RAPGEF2: variants seen among roughly 807,000 people sequenced by gnomAD.
RAPGEF2 encodes Rap guanine nucleotide exchange factor 2.
A neutral mutation model predicts 186.7 loss-of-function variants in RAPGEF2; 54 were observed. The observed-to-expected ratio is 0.29, with a 90% CI of 0.23 to 0.36. The LOEUF is 0.36. RAPGEF2 is among the 10% of genes least tolerant of loss of function. The pLI, the probability that RAPGEF2 is intolerant of heterozygous loss-of-function variation, is 1.00. For synonymous variants in RAPGEF2, 712 were observed against 705.9 expected, an observed-to-expected ratio of 1.01 and a Z score of -0.14; for missense variants, 1,532 against 2,045.0, an observed-to-expected ratio of 0.75 and a Z score of 4.84.
chr4:159,219,835 T>C (rs1418397726), intron 4 of RAPGEF2, among the ~76,000 whole-genome samples: 1 of 152,224 alleles, frequency 6.6e-6, no homozygotes, highest in African/African-American at 2.4e-5. Flanking sequence ...ACTTCTGTCC[T>C]AAACTGCTCA....
intron 19 of RAPGEF2, 51 bp downstream of exon 19, chr4:159,339,405 A>G (rs777009108): frequency 1.3e-6 from 2 of 1,572,898 alleles, no homozygotes; most frequent in African/African-American, 1.3e-5. Flanking sequence ...TCGAACCCAC[A>G]TCAAAGTCTA....
chr4:159,216,799 T>A (rs896200470), intron 4 of RAPGEF2, among the ~76,000 whole-genome samples: 5 of 152,340 alleles, frequency 3.3e-5, no homozygotes, highest in African/African-American at 1.2e-4. Context: ...TTCTCCTTCA[T>A]TGATACCAAC....
At chr4:159,202,715 C>A (rs1749575194) in intron 3 of RAPGEF2, among the ~76,000 whole-genome samples, 1 of 152,152 alleles carries the variant, frequency 6.6e-6, no homozygotes, top group Non-Finnish European at 1.5e-5. Flanking sequence ...GATTCTCTTG[C>A]CTCAGCCTCC....
At chr4:159,216,781 A>G (rs1370123064) in intron 4 of RAPGEF2, among the ~76,000 whole-genome samples, 3 of 152,200 alleles carry the variant, frequency 2.0e-5, no homozygotes, top group Non-Finnish European at 2.9e-5. Flanking sequence ...TCCATTTACA[A>G]TTAGTGCTTC....
At chr4:159,296,988 T>C (rs780279223) in intron 7 of RAPGEF2, among the ~76,000 whole-genome samples, 3 of 152,234 alleles carry the variant, frequency 2.0e-5, no homozygotes, top group African/African-American at 4.8e-5. Flanking sequence ...ATTTTCCTCA[T>C]CGGGGTCCCA....
At chr4:159,108,357 C>T (rs1354075948) in intron 1 of RAPGEF2, among the ~76,000 whole-genome samples, 1 of 149,944 alleles carries the variant, frequency 6.7e-6, no homozygotes. Context: ...CAGTCATTCC[C>T]AAATGCTGGA....
chr4:159,283,302 T>G (rs1340453821), intron 7 of RAPGEF2, among the ~76,000 whole-genome samples: 1 of 152,170 alleles, frequency 6.6e-6, no homozygotes, highest in African/African-American at 2.4e-5. Context: ...AAAAAATAAT[T>G]TTCCAATGTG....
At chr4:159,308,140 G>C (rs1763528582) in intron 8 of RAPGEF2, among the ~76,000 whole-genome samples, 2 of 152,178 alleles carry the variant, frequency 1.3e-5, no homozygotes, top group Admixed American at 1.3e-4. Flanking sequence ...GAGTGTGGAT[G>C]AGAGTTCCTA....
intron 9 of RAPGEF2, among the ~76,000 whole-genome samples, chr4:159,316,665 G>A (rs1764647100): frequency 2.0e-5 from 3 of 152,126 alleles, no homozygotes; most frequent in Non-Finnish European, 4.4e-5. Context: ...TTTTATGGCT[G>A]TATTGTATTC....
intron 29 of RAPGEF2, among the ~76,000 whole-genome samples, chr4:159,356,758 G>A (rs1333374765): frequency 2.6e-5 from 4 of 151,870 alleles, no homozygotes; most frequent in East Asian, 1.9e-4. Flanking sequence ...AAAATTAGCC[G>A]GGTATGGTGG....
At chr4:159,293,609 C>T (rs756484895) in intron 7 of RAPGEF2, among the ~76,000 whole-genome samples, 19 of 152,114 alleles carry the variant, frequency 1.2e-4, no homozygotes, top group South Asian at 1.0e-3. Context: ...AGTTATAGGT[C>T]GTAAAAATGA....
chr4:159,277,048 T>C (rs1758986602), intron 7 of RAPGEF2, among the ~76,000 whole-genome samples: 1 of 151,884 alleles, frequency 6.6e-6, no homozygotes, highest in South Asian at 2.1e-4. Flanking sequence ...ACATTAGGTA[T>C]ATCTCCTAAT....
rs1737961190 is a variant in RAPGEF2 at position 159,107,020 on chromosome 4, C to T, written c.69+2789C>T. ...CTAAGTTTTAGCCAGGTTATACATACTCAGTTTCAAGAGACTATCACTATT... is the reference window on the plus strand; with the variant it reads ...CTAAGTTTTAGCCAGGTTATACATATTCAGTTTCAAGAGACTATCACTATT... On this transcript the variant is annotated intron_variant, in intron 1 of 29. Coordinates refer to ENST00000691494, the MANE Select transcript of RAPGEF2 (RefSeq NM_001394067.2). Among the ~76,000 whole-genome samples, 3 of 152,280 alleles carry T rather than the reference C, an allele frequency of 2.0e-5. No homozygotes were observed. The South Asian group carries it at 6.2e-4, about 32-fold the overall frequency.
intron 7 of RAPGEF2, among the ~76,000 whole-genome samples, chr4:159,254,512 G>A (rs927698627): frequency 1.3e-5 from 2 of 151,956 alleles, no homozygotes; most frequent in African/African-American, 4.8e-5. Context: ...CAGAACCAGT[G>A]GAGCGTTAAG....
chr4:159,243,847 G>A (rs936452244), intron 7 of RAPGEF2, 56 bp downstream of exon 7: 8 of 1,123,062 alleles, frequency 7.1e-6, no homozygotes, highest in Non-Finnish European at 9.6e-6. Context: ...GTGTGAATTT[G>A]CACTGTTACT....
chr4:159,118,042 T>G (rs1314751606), intron 1 of RAPGEF2, among the ~76,000 whole-genome samples: 1 of 152,128 alleles, frequency 6.6e-6, no homozygotes, highest in East Asian at 1.9e-4. Context: ...ATTGTGAAGA[T>G]TAAATACATT....
intron 3 of RAPGEF2, among the ~76,000 whole-genome samples, chr4:159,195,688 T>G (rs1220359039): frequency 1.3e-5 from 2 of 152,046 alleles, no homozygotes; most frequent in Non-Finnish European, 2.9e-5. Context: ...TTTTCATGCC[T>G]TGTCACCATA....
chr4:159,277,535 C>A (rs1252696231), intron 7 of RAPGEF2, among the ~76,000 whole-genome samples: 1 of 152,194 alleles, frequency 6.6e-6, no homozygotes, highest in African/African-American at 2.4e-5. Flanking sequence ...AGTTTACAGT[C>A]CCACCAACAG....
intron 1 of RAPGEF2, among the ~76,000 whole-genome samples, chr4:159,166,739 G>A (rs1047209860): frequency 5.9e-5 from 9 of 152,014 alleles, no homozygotes; most frequent in Non-Finnish European, 8.8e-5. Context: ...TAAAAAAACC[G>A]ACAATAAAAA....
Sources: gnomAD v4.1 joint callset for allele counts (sites outside exome capture counted in the v4.1 genomes callset) on GRCh38, gnomAD v4.1.1 for gene constraint, MANE v1.5 for transcripts, NCBI Gene and HGNC (gene_info 2026-07-23, HGNC 2026-07-21) for gene names.